Variants in LURAP1L observed in about 807,000 individuals in gnomAD.
LURAP1L encodes the protein leucine rich adaptor protein 1-like.
LURAP1L carries 12 observed loss-of-function variants against 13.8 expected under a neutral mutation model. The observed-to-expected ratio is 0.87, with a 90% CI of 0.56 to 1.41. LURAP1L has a LOEUF of 1.41. LURAP1L is among the 40% of genes most tolerant of loss of function. The pLI is 0.00. For synonymous variants in LURAP1L, 139 were observed against 119.2 expected (o/e 1.17, Z -1.08); for missense variants, 375 against 292.9 (o/e 1.28, Z -2.04).
chr9:12,786,277 G>C lies in LURAP1L; in HGVS notation c.312+10250G>C, dbSNP rs1409634. ...ACTTCTCCTATACAAACCCCAACTAGTTGCTAATTATATAGAAAAGGTAAT... is the reference window on the plus strand; with the variant it reads ...ACTTCTCCTATACAAACCCCAACTACTTGCTAATTATATAGAAAAGGTAAT... On this transcript the variant is annotated intron_variant, in intron 1 of 1. Coordinates refer to ENST00000319264, the MANE Select transcript of LURAP1L (RefSeq NM_203403.2). Among the ~76,000 whole-genome samples the C allele has an allele frequency of 1.7e-3, 256 of 151,622 alleles. 14 individuals are homozygous for C. In the East Asian group the frequency reaches 0.047, roughly 28 times the overall value.
intron 1 of LURAP1L, among the ~76,000 whole-genome samples, chr9:12,811,784 CAT>C (rs1333041191): frequency 1.3e-5 from 2 of 152,182 alleles, no homozygotes; most frequent in Non-Finnish European, 2.9e-5. Flanking sequence ...AAACAGCAAA[CAT>C]GTATTATCTC....
At chr9:12,814,198 A>G (rs1819774832) in intron 1 of LURAP1L, 1 of 152,316 alleles carries the variant, frequency 6.6e-6, no homozygotes, top group African/African-American at 2.4e-5. Flanking sequence ...TGGCCACTAC[A>G]GATCACGGAG....
chr9:12,782,508 T>C (rs1009495435), intron 1 of LURAP1L, among the ~76,000 whole-genome samples: 2 of 152,228 alleles, frequency 1.3e-5, no homozygotes, highest in African/African-American at 2.4e-5. Context: ...TTTTCTCCAG[T>C]GTATGTTCTT....
At chr9:12,794,071 C>T (rs531767767) in intron 1 of LURAP1L, among the ~76,000 whole-genome samples, 24 of 152,024 alleles carry the variant, frequency 1.6e-4, no homozygotes, top group Non-Finnish European at 3.2e-4. Context: ...GGAGTAATAT[C>T]AGATGTCCAC....
chr9:12,785,496 A>C (rs1819337764), intron 1 of LURAP1L, among the ~76,000 whole-genome samples: 1 of 152,150 alleles, frequency 6.6e-6, no homozygotes, highest in Non-Finnish European at 1.5e-5. Flanking sequence ...ACCCCAGAGC[A>C]CTTTAGCCTG....
At chr9:12,820,605 C>T (rs1819863717) in intron 1 of LURAP1L, among the ~76,000 whole-genome samples, 1 of 149,824 alleles carries the variant, frequency 6.7e-6, no homozygotes, top group South Asian at 2.1e-4. Context: ...ATTGGGGTGC[C>T]CCTGATATAT....
chr9:12,822,734 C>G lies in LURAP1L; in HGVS notation c.*974C>G, dbSNP rs894797383. Among the ~76,000 whole-genome samples, 2 of 152,056 alleles carry G rather than the reference C, an allele frequency of 1.3e-5. No homozygotes were observed. The highest frequency in any genetic ancestry group is 2.4e-5 in the African/African-American group (1 of 41,420). ...TCATCCTAGTATAAATAAATAATCT[C>G]TAAGTTTTCTGAAATGGAATATTTA... On this transcript the variant is annotated 3_prime_UTR_variant, in exon 2 of 2. Transcript: ENST00000319264.
chr9:12,814,094 CATGT>C (rs1269217457), intron 1 of LURAP1L, among the ~76,000 whole-genome samples: 1 of 152,094 alleles, frequency 6.6e-6, no homozygotes, highest in Non-Finnish European at 1.5e-5. Flanking sequence ...TATATGCATG[CATGT>C]GTGTGTGTGC....
chr9:12,797,899 T>C (rs1819530253), intron 1 of LURAP1L, among the ~76,000 whole-genome samples: 1 of 152,144 alleles, frequency 6.6e-6, no homozygotes, highest in Non-Finnish European at 1.5e-5. Flanking sequence ...ATTTTGTTTG[T>C]TTTCTTTTTT....
intron 1 of LURAP1L, among the ~76,000 whole-genome samples, chr9:12,806,001 C>A (rs1292676232): frequency 6.6e-6 from 1 of 152,146 alleles, no homozygotes; most frequent in African/African-American, 2.4e-5. Flanking sequence ...ATCTGACAGT[C>A]CGAAAGGGAA....
chr9:12,793,712 T>C (rs188928180), intron 1 of LURAP1L, among the ~76,000 whole-genome samples: 1 of 152,044 alleles, frequency 6.6e-6, no homozygotes, highest in Non-Finnish European at 1.5e-5. Flanking sequence ...AGTGAAAAGC[T>C]GCTTCAAATG....
intron 1 of LURAP1L, among the ~76,000 whole-genome samples, chr9:12,812,803 A>G (rs1365103585): frequency 1.3e-5 from 2 of 152,190 alleles, no homozygotes; most frequent in East Asian, 1.9e-4. Flanking sequence ...CTCTTATTTT[A>G]GAAATATAGC....
intron 1 of LURAP1L, among the ~76,000 whole-genome samples, chr9:12,783,888 C>T (rs952983671): frequency 1.4e-5 from 2 of 146,850 alleles, no homozygotes; most frequent in Non-Finnish European, 1.5e-5. Context: ...TATTTTGTCT[C>T]CCTCACTGTA....
intron 1 of LURAP1L, among the ~76,000 whole-genome samples, chr9:12,807,880 G>A (rs1017916422): frequency 6.6e-6 from 1 of 151,530 alleles, no homozygotes; most frequent in Non-Finnish European, 1.5e-5. Context: ...TTTTAAGTAC[G>A]ATTTTTAGTG....
chr9:12,781,222 C>T lies in LURAP1L; in HGVS notation c.312+5195C>T, dbSNP rs140082647. Reference sequence around the variant, plus strand: ...CTGACCTCAGGTGATCTGCCTGCCTCGGCCTCCTAAAGTGCTGGGATTACA... The same window carrying T: ...CTGACCTCAGGTGATCTGCCTGCCTTGGCCTCCTAAAGTGCTGGGATTACA... On this transcript the variant is annotated intron_variant, in intron 1 of 1. Transcript: ENST00000319264. 4.6e-3 allele frequency among the ~76,000 whole-genome samples: 701 copies of T among 152,260 alleles called. 1 individual carries two copies. Among genetic ancestry groups the T allele is most frequent in the African/African-American group, 0.016 (653 of 41,540 alleles).
In LURAP1L at chr9:12,777,630, T is replaced by C. The variant is rs16929513; in HGVS notation, c.312+1603T>C. The C allele has an allele frequency of 0.018, 16,581 of 943,900 alleles. 2,138 individuals carry two copies. The African/African-American group carries it at 0.27, about 15-fold the overall frequency. The allele number at this position is 943,900 out of a possible 1,614,324, so 58.5% of individuals were successfully genotyped here. ...GCACATCAAAGATAATACTGTCATTTTGCTGGACACTCAGACACAATTTAG... is the reference window on the plus strand; with the variant it reads ...GCACATCAAAGATAATACTGTCATTCTGCTGGACACTCAGACACAATTTAG... On this transcript the variant is annotated intron_variant, in intron 1 of 1. Transcript: ENST00000319264.
At chr9:12,817,082 T>G (rs1819814072) in intron 1 of LURAP1L, among the ~76,000 whole-genome samples, 2 of 152,206 alleles carry the variant, frequency 1.3e-5, no homozygotes, top group African/African-American at 4.8e-5. Flanking sequence ...CTTTTAGAGA[T>G]ACTATCTCAT....
At chr9:12,781,049 G>A (rs984001443) in intron 1 of LURAP1L, among the ~76,000 whole-genome samples, 4 of 152,018 alleles carry the variant, frequency 2.6e-5, no homozygotes, top group Admixed American at 6.5e-5. Context: ...TCAGCTCACC[G>A]CAACCTCTGC....
At chr9:12,786,603 G>A in intron 1 of LURAP1L, among the ~76,000 whole-genome samples, 1 of 103,824 alleles carries the variant, frequency 9.6e-6, no homozygotes, top group Non-Finnish European at 1.9e-5. Context: ...CCTTAAGTCT[G>A]TATAGCTCAA....
Sources: allele counts gnomAD v4.1 joint callset (sites outside exome capture counted in the v4.1 genomes callset), GRCh38; gene constraint gnomAD v4.1.1; transcripts MANE v1.5; gene names NCBI Gene and HGNC (gene_info 2026-07-23, HGNC 2026-07-21).